The following CADPS2 variants were observed in gnomAD, a reference collection of about 807,000 sequenced individuals.
CADPS2 encodes calcium-dependent secretion activator 2.
In CADPS2, 93 loss-of-function variants were observed where a neutral mutation model predicts 172.5. That is an observed-to-expected ratio of 0.54 (90% CI 0.46 to 0.64). CADPS2 has a LOEUF of 0.64. Ranked by LOEUF, CADPS2 falls within the 30% of genes least tolerant of loss-of-function variation. CADPS2 has a pLI of 0.00. For missense variants in CADPS2, 1,420 were observed against 1,565.9 expected, an observed-to-expected ratio of 0.91 and a Z score of 1.57; for synonymous variants, 546 against 555.2, an observed-to-expected ratio of 0.98 and a Z score of 0.23.
chr7:122,403,603 T>A (rs1431625757), intron 20 of CADPS2, among the ~76,000 whole-genome samples: 1 of 152,172 alleles, frequency 6.6e-6, no homozygotes, highest in South Asian at 2.1e-4. Flanking sequence ...GTAAACATGA[T>A]TGAAAATTAC....
In CADPS2 at chr7:122,886,161, C is replaced by T. The variant is rs1824318091; in HGVS notation, c.177G>A (p.Pro59=). 2 of 1,532,390 alleles carry T rather than the reference C, an allele frequency of 1.3e-6. No homozygotes were observed. The highest frequency in any genetic ancestry group is 1.8e-6 in the Non-Finnish European group (2 of 1,140,600). 94.9% of individuals were successfully genotyped at this position (1,532,390 alleles called of 1,614,324 possible). A position where few individuals can be genotyped will look rare whatever the true frequency, so the allele number is the denominator to read the frequency against. The change falls in exon 1 of 30, where the codon CCG becomes CCA. Residue 59 remains proline (P), a synonymous_variant. Coordinates refer to ENST00000449022, the MANE Select transcript of CADPS2 (RefSeq NM_017954.11). ...GGGGAARSVS[P]SPSVLSEGRD... is the part of the protein sequence containing the mutation. ...GCCCCTCGCTGAGCACAGAGGGGCT[C>T]GGGCTCACAGATCTGGCCGCGCCGC...
At chr7:122,583,559 CACAT>C (rs1277899528) in intron 6 of CADPS2, among the ~76,000 whole-genome samples, 2 of 151,194 alleles carry the variant, frequency 1.3e-5, no homozygotes, top group Non-Finnish European at 3.0e-5. Flanking sequence ...ATTAGACACA[CACAT>C]AAATATATCA....
At chr7:122,809,418 AAG>A (rs1799516427) in intron 1 of CADPS2, among the ~76,000 whole-genome samples, 1 of 143,334 alleles carries the variant, frequency 7.0e-6, no homozygotes. Context: ...AAAAAAAAAA[AAG>A]AAAAAAAAAA....
chr7:122,741,823 C>T (rs2138009003), intron 1 of CADPS2, among the ~76,000 whole-genome samples: 2 of 152,268 alleles, frequency 1.3e-5, no homozygotes, highest in Middle Eastern at 3.4e-3. Context: ...TAGTACTATA[C>T]ACTATCTAAG....
chr7:122,431,870 A>G (rs2049966270), intron 17 of CADPS2, among the ~76,000 whole-genome samples: 1 of 137,076 alleles, frequency 7.3e-6, no homozygotes, highest in Non-Finnish European at 1.6e-5. Flanking sequence ...GCAGTGGGCC[A>G]AGATCGTGCC....
At chr7:122,543,936 AAAGAG>A (rs2063356792) in intron 8 of CADPS2, among the ~76,000 whole-genome samples, 1 of 152,180 alleles carries the variant, frequency 6.6e-6, no homozygotes, top group African/African-American at 2.4e-5. Flanking sequence ...AAAGCCAAAA[AAAGAG>A]AAGAACTGAA....
intron 2 of CADPS2, among the ~76,000 whole-genome samples, chr7:122,726,001 T>G (rs2137296170): frequency 6.6e-6 from 1 of 151,964 alleles, no homozygotes; most frequent in Non-Finnish European, 1.5e-5. Flanking sequence ...CTAAACAGTT[T>G]GAATTTTTTT....
chr7:122,824,347 A>G (rs7787372), intron 1 of CADPS2, among the ~76,000 whole-genome samples: 32,744 of 152,082 alleles, frequency 0.22, 3,780 homozygotes, highest in Middle Eastern at 0.31. Context: ...CATTACCGCC[A>G]ACACAACTCT....
chr7:122,429,949 A>G (rs572647968), intron 17 of CADPS2, among the ~76,000 whole-genome samples: 3 of 152,130 alleles, frequency 2.0e-5, no homozygotes, highest in Admixed American at 2.0e-4. Flanking sequence ...TTTATTTATT[A>G]CTTATTGCTA....
At chr7:122,335,879 ATGC>A (rs1282513863) in intron 28 of CADPS2, among the ~76,000 whole-genome samples, 5 of 152,212 alleles carry the variant, frequency 3.3e-5, no homozygotes, top group African/African-American at 1.2e-4. Flanking sequence ...TCCTTAGAGG[ATGC>A]TGGCTACCTG....
intron 14 of CADPS2, among the ~76,000 whole-genome samples, chr7:122,468,133 C>T (rs2055406082): frequency 6.6e-6 from 1 of 152,114 alleles, no homozygotes; most frequent in African/African-American, 2.4e-5. Context: ...ATTTCAAATC[C>T]AGACAGCACT....
intron 14 of CADPS2, among the ~76,000 whole-genome samples, chr7:122,464,988 T>C (rs1213395066): frequency 6.6e-6 from 1 of 152,190 alleles, no homozygotes; most frequent in Non-Finnish European, 1.5e-5. Flanking sequence ...TGCACTCTTT[T>C]AGTAACTTTT....
Position 122,798,823 on chromosome 7 carries a change from T to G in CADPS2, c.340-61755A>C, listed in dbSNP as rs537294258. On this transcript the variant is annotated intron_variant, in intron 1 of 29. Coordinates refer to ENST00000449022, the MANE Select transcript of CADPS2 (RefSeq NM_017954.11). Reference sequence around the variant, plus strand: ...CCTGAGCTCACAGAAAATACTTATGTACACTTGCCTCAACTTCTGCTTGAT... The same window carrying G: ...CCTGAGCTCACAGAAAATACTTATGGACACTTGCCTCAACTTCTGCTTGAT... Among the ~76,000 whole-genome samples, 7 of 152,010 alleles carry G rather than the reference T, an allele frequency of 4.6e-5. 1 individual carries two copies. The highest frequency in any genetic ancestry group is 1.7e-4 in the African/African-American group (7 of 41,490).
intron 1 of CADPS2, among the ~76,000 whole-genome samples, chr7:122,826,690 G>A (rs1365791384): frequency 6.6e-6 from 1 of 152,046 alleles, no homozygotes; most frequent in African/African-American, 2.4e-5. Flanking sequence ...TGCATTGGTT[G>A]GACTCAGTGG....
intron 2 of CADPS2, among the ~76,000 whole-genome samples, chr7:122,714,462 T>C (rs1383757547): frequency 6.6e-6 from 1 of 152,098 alleles, no homozygotes; most frequent in Non-Finnish European, 1.5e-5. Context: ...CTTCTTTTAA[T>C]GTTTTACTAT....
chr7:122,699,012 A>G (rs541990483), intron 2 of CADPS2: 7 of 899,334 alleles, frequency 7.8e-6, no homozygotes, highest in African/African-American at 1.7e-5. Flanking sequence ...AATCTTCAGG[A>G]TACAAACAAG....
intron 6 of CADPS2, among the ~76,000 whole-genome samples, chr7:122,594,963 T>A (rs2071518808): frequency 1.3e-5 from 2 of 151,892 alleles, no homozygotes; most frequent in South Asian, 4.1e-4. Flanking sequence ...ATCCCCCAGA[T>A]GTCTAAATAA....
At chr7:122,515,829 ATT>A (rs1254858130) in intron 8 of CADPS2, among the ~76,000 whole-genome samples, 8 of 141,410 alleles carry the variant, frequency 5.7e-5, no homozygotes, top group East Asian at 2.2e-4. Flanking sequence ...AAAAAAATTA[ATT>A]AAAAAATAAT....
chr7:122,695,898 T>C (rs573200459), intron 2 of CADPS2, among the ~76,000 whole-genome samples: 24 of 152,176 alleles, frequency 1.6e-4, no homozygotes, highest in Admixed American at 9.8e-4. Flanking sequence ...AAAAACACAA[T>C]TGCACTGTCA....
Sources: allele counts gnomAD v4.1 joint callset (sites outside exome capture counted in the v4.1 genomes callset), GRCh38; gene constraint gnomAD v4.1.1; transcripts MANE v1.5; gene names NCBI Gene and HGNC (gene_info 2026-07-23, HGNC 2026-07-21).